RCAN1: variants seen among roughly 807,000 people sequenced by gnomAD.
RCAN1 encodes the protein calcipressin-1.
RCAN1 carries 11 observed loss-of-function variants against 22.9 expected under a neutral mutation model. That is an observed-to-expected ratio of 0.48 (90% CI 0.30 to 0.79). The LOEUF (loss-of-function observed/expected upper bound fraction) is 0.79, where lower values mean the gene tolerates loss of function less well. RCAN1 is among the 30% of genes least tolerant of loss of function. The pLI is 0.06. For synonymous variants in RCAN1, 136 were observed against 142.3 expected (o/e 0.96, Z 0.32); for missense variants, 291 against 337.8 (o/e 0.86, Z 1.09).
At chr21:34,530,874 C>T (rs1188665266) in intron 1 of RCAN1, among the ~76,000 whole-genome samples, 3 of 152,068 alleles carry the variant, frequency 2.0e-5, no homozygotes, top group African/African-American at 7.2e-5. Flanking sequence ...CCACCCGCCT[C>T]GGCCTCCCAA....
chr21:34,588,827 C>T (rs561931816), intron 1 of RCAN1, among the ~76,000 whole-genome samples: 14 of 152,278 alleles, frequency 9.2e-5, no homozygotes, highest in African/African-American at 3.4e-4. Context: ...TCCATCCATA[C>T]AGTAGAATAT....
chr21:34,555,601 T>A (rs1230014969), intron 1 of RCAN1, among the ~76,000 whole-genome samples: 3 of 150,248 alleles, frequency 2.0e-5, no homozygotes, highest in Admixed American at 2.0e-4. Context: ...ATAATAATAA[T>A]AATAAAAAAA....
At chr21:34,595,267 C>T (rs1163777126) in intron 1 of RCAN1, among the ~76,000 whole-genome samples, 2 of 152,144 alleles carry the variant, frequency 1.3e-5, no homozygotes, top group African/African-American at 4.8e-5. Flanking sequence ...GGGAGAAATT[C>T]ATCATAGCCT....
rs1325300644 is a variant in RCAN1 at position 34,614,869 on chromosome 21, TCGC to T, written c.140_142del (p.Gly47del). The T allele has an allele frequency of 6.8e-7, 1 of 1,464,262 alleles. No homozygotes were observed. Among genetic ancestry groups the T allele is most frequent in the Non-Finnish European group, 9.1e-7 (1 of 1,104,770 alleles). 90.7% of individuals were successfully genotyped at this position (1,464,262 alleles called of 1,614,324 possible). On this transcript the variant is annotated inframe_deletion, in exon 1 of 4. Transcript: ENST00000313806. The surrounding 1 kb of genome is among the most constrained non-coding windows in gnomAD (Gnocchi z 6.0). ...CATCTCGCAGTCAATGAAGCTCCAGTCGCCGCCGCCCTCGTCCGCCTCGGCCGC... is the reference window on the plus strand; with the variant it reads ...CATCTCGCAGTCAATGAAGCTCCAGTCGCCGCCCTCGTCCGCCTCGGCCGC...
chr21:34,563,449 CAT>C (rs1269887092), intron 1 of RCAN1, among the ~76,000 whole-genome samples: 3 of 151,958 alleles, frequency 2.0e-5, no homozygotes, highest in South Asian at 2.1e-4. Context: ...ACAGAAAAAA[CAT>C]GTGGGGAAAT....
At chr21:34,613,164 T>A (rs1988727614) in intron 1 of RCAN1, among the ~76,000 whole-genome samples, 1 of 152,198 alleles carries the variant, frequency 6.6e-6, no homozygotes, top group Non-Finnish European at 1.5e-5. Flanking sequence ...GCTCAAAATA[T>A]CACCATATCA....
intron 3 of RCAN1, chr21:34,521,157 A>G (rs1984487741): frequency 7.7e-7 from 1 of 1,298,072 alleles, no homozygotes; most frequent in South Asian, 2.6e-5. Flanking sequence ...CCAATCACTC[A>G]TCCCTATCCG....
intron 1 of RCAN1, chr21:34,525,240 G>A: frequency 6.4e-7 from 1 of 1,550,654 alleles, no homozygotes; most frequent in Non-Finnish European, 8.7e-7. Flanking sequence ...TAGGAGCAGG[G>A]TAGTCGGTCC....
chr21:34,518,144 T>C lies in RCAN1; in HGVS notation c.699A>G (p.Arg233=), dbSNP rs1251816139. 1 of 1,614,174 alleles carries C rather than the reference T, an allele frequency of 6.2e-7. No individual in the cohort carries two copies. The highest frequency in any genetic ancestry group is 8.5e-7 in the Non-Finnish European group (1 of 1,180,036). The change falls in exon 4 of 4, where the codon AGA becomes AGG. Residue 233 remains arginine, a synonymous_variant. Transcript: ENST00000313806. The surrounding 1 kb of genome is among the most constrained non-coding windows in gnomAD (Gnocchi z 4.2). ...TGGTCTGGATAATTTTTGGCTTAGG[T>C]CTCCTCATTCTTTCCATTTCCTCTT... is the stretch of plus-strand genomic sequence containing the variant. ...EEEEEMERMR[R]PKPKIIQTRR... is the part of the protein sequence containing the mutation.
intron 1 of RCAN1, among the ~76,000 whole-genome samples, chr21:34,529,078 C>T (rs570565687): frequency 1.1e-4 from 16 of 152,148 alleles, no homozygotes; most frequent in African/African-American, 2.9e-4. Context: ...TTGAATTGAT[C>T]GGTTCTATCT....
chr21:34,590,804 G>A (rs985890476), intron 1 of RCAN1, among the ~76,000 whole-genome samples: 3 of 152,200 alleles, frequency 2.0e-5, no homozygotes, highest in African/African-American at 4.8e-5. Flanking sequence ...GAGAAGCGTG[G>A]AATCTCATGG....
chr21:34,575,730 C>T (rs1987392097), intron 1 of RCAN1, among the ~76,000 whole-genome samples: 1 of 152,158 alleles, frequency 6.6e-6, no homozygotes, highest in Non-Finnish European at 1.5e-5. Flanking sequence ...AGATTGGTGA[C>T]TGGACTTCCT....
intron 1 of RCAN1, among the ~76,000 whole-genome samples, chr21:34,532,412 A>T (rs1170832961): frequency 6.6e-6 from 1 of 152,188 alleles, no homozygotes; most frequent in Non-Finnish European, 1.5e-5. Context: ...CACTCTCCAA[A>T]CTTCCTACGT....
intron 1 of RCAN1, among the ~76,000 whole-genome samples, chr21:34,589,813 T>A (rs1230649049): frequency 6.6e-6 from 1 of 152,190 alleles, no homozygotes; most frequent in African/African-American, 2.4e-5. Flanking sequence ...GCTGCCGTGG[T>A]TCTCAGGCCT....
chr21:34,546,828 T>C (rs77251346), intron 1 of RCAN1, among the ~76,000 whole-genome samples: 18,343 of 152,182 alleles, frequency 0.12, 1,118 homozygotes, highest in Middle Eastern at 0.16. Flanking sequence ...TTTTTCCCAT[T>C]AAAAGGGGGA....
chr21:34,549,659 C>T (rs1986286919), intron 1 of RCAN1, among the ~76,000 whole-genome samples: 1 of 152,180 alleles, frequency 6.6e-6, no homozygotes, highest in South Asian at 2.1e-4. Context: ...GTGGCATCTA[C>T]AGCAGCTGTC....
In RCAN1 at chr21:34,614,961, C is replaced by A. The variant is rs1243937182; in HGVS notation, c.51G>T (p.Ala17=). 2.7e-6 allele frequency: 3 copies of A among 1,114,016 alleles called. No homozygotes were observed. Among genetic ancestry groups the A allele is most frequent in the Admixed American group, 1.0e-4 (2 of 20,008 alleles). The allele number at this position is 1,114,016 out of a possible 1,614,324, so 69.0% of individuals were successfully genotyped here. A position where few individuals can be genotyped will look rare whatever the true frequency, so the allele number is the denominator to read the frequency against. ...GPQLGAAAEA[A]EAAEARARPG... The stretch of plus-strand genomic sequence containing the variant: ...GCCGCGCTCGCGCCTCGGCCGCCTC[C>A]GCCGCCTCCGCCGCGGCCCCGAGCT... Residue 17 remains alanine (A), a synonymous_variant, in exon 1 of 4, where the codon GCG becomes GCT. Transcript: ENST00000313806. This position sits in a 1 kb window ranked among gnomAD's most constrained non-coding sequence, Gnocchi z 6.0.
intron 1 of RCAN1, among the ~76,000 whole-genome samples, chr21:34,606,063 G>A (rs1230276579): frequency 6.6e-6 from 1 of 152,148 alleles, no homozygotes; most frequent in African/African-American, 2.4e-5. Context: ...TCTATAGAAT[G>A]GGGATGATAA....
chr21:34,583,938 T>C (rs919738701), intron 1 of RCAN1, among the ~76,000 whole-genome samples: 1 of 152,056 alleles, frequency 6.6e-6, no homozygotes, highest in East Asian at 1.9e-4. Flanking sequence ...TACACACACA[T>C]ACACACATAT....
Sources: gnomAD v4.1 joint callset for allele counts (sites outside exome capture counted in the v4.1 genomes callset) on GRCh38, gnomAD v4.1.1 for gene constraint, Gnocchi (gnomAD v3.1) non-coding constraint, MANE v1.5 for transcripts, NCBI Gene and HGNC (gene_info 2026-07-23, HGNC 2026-07-21) for gene names.